Variants in ROR1 observed in about 807,000 individuals in gnomAD.
ROR1 encodes the protein ROR family WNT receptor 1, also known as inactive tyrosine-protein kinase transmembrane receptor ROR1.
Under a neutral mutation model 78.8 loss-of-function variants are expected in ROR1, and 19 were observed. The observed-to-expected ratio is 0.24, with a 90% CI of 0.17 to 0.35. The LOEUF is 0.35. Ranked by LOEUF, ROR1 falls within the 10% of genes least tolerant of loss-of-function variation. The pLI is 1.00. For synonymous variants in ROR1, 386 were observed against 433.6 expected (o/e 0.89, Z 1.36); for missense variants, 917 against 1,177.8 (o/e 0.78, Z 3.24).
rs572964591 is a variant in ROR1, at chr1:64,041,805, T to G, written c.164-7886T>G. On this transcript the variant is annotated intron_variant, in intron 2 of 8. Coordinates refer to ENST00000371079, the MANE Select transcript of ROR1 (RefSeq NM_005012.4). ...CCAGCACCCAGCCCAGCACAGCACTTCTTTTCTTTTCACTTTTAACCATCA... is the reference window on the plus strand; with the variant it reads ...CCAGCACCCAGCCCAGCACAGCACTGCTTTTCTTTTCACTTTTAACCATCA... 7.9e-4 allele frequency among the ~76,000 whole-genome samples: 121 copies of G among 152,310 alleles called. 1 individual carries two copies. The highest frequency in any genetic ancestry group is 2.8e-3 in the African/African-American group (118 of 41,574).
rs754987821 is a variant in ROR1 at position 64,017,612 on chromosome 1, C to T, written c.163+8236C>T. Among the ~76,000 whole-genome samples, 10 of 152,218 alleles carry T rather than the reference C, an allele frequency of 6.6e-5. No homozygotes were observed. In the East Asian group the frequency reaches 1.2e-3, roughly 18 times the overall value. On this transcript the variant is annotated intron_variant, in intron 2 of 8. Coordinates refer to ENST00000371079, the MANE Select transcript of ROR1 (RefSeq NM_005012.4). ...CTCACCATGTAGGGGTCTTTCCAGC[C>T]GGTTATTCCAGCTCTTGGCACCCAA... is the stretch of plus-strand genomic sequence containing the variant.
chr1:63,988,195 C>T (rs1250467482), intron 1 of ROR1, among the ~76,000 whole-genome samples: 1 of 152,132 alleles, frequency 6.6e-6, no homozygotes, highest in Non-Finnish European at 1.5e-5. Flanking sequence ...TAAATCAACT[C>T]CAGGACCCAG....
intron 4 of ROR1, among the ~76,000 whole-genome samples, chr1:64,118,590 G>A (rs144912511): frequency 4.8e-4 from 62 of 129,600 alleles, no homozygotes; most frequent in Middle Eastern, 6.1e-3. Flanking sequence ...CCAAGATTGC[G>A]CCACTGCACT....
chr1:63,802,292 G>A (rs1317050689), intron 1 of ROR1, among the ~76,000 whole-genome samples: 8 of 152,066 alleles, frequency 5.3e-5, no homozygotes, highest in Admixed American at 3.9e-4. Context: ...GAGCATCCAC[G>A]GAGCATCCTT....
chr1:63,966,769 C>T, intron 1 of ROR1, among the ~76,000 whole-genome samples: 1 of 152,296 alleles, frequency 6.6e-6, no homozygotes, highest in African/African-American at 2.4e-5. Context: ...GCTTTCCTTT[C>T]AACTGAGGGA....
At chr1:64,060,191 G>A (rs1646906360) in intron 4 of ROR1, among the ~76,000 whole-genome samples, 2 of 152,094 alleles carry the variant, frequency 1.3e-5, no homozygotes, top group Non-Finnish European at 2.9e-5. Flanking sequence ...CTATCTCATA[G>A]CATTGTTGAA....
At chr1:63,845,197 A>ACC (rs1258274891) in intron 1 of ROR1, among the ~76,000 whole-genome samples, 2 of 152,144 alleles carry the variant, frequency 1.3e-5, no homozygotes, top group African/African-American at 4.8e-5. Context: ...GTTTCTCCAT[A>ACC]TATGTGTTAA....
At chr1:63,827,804 G>C (rs1486800689) in intron 1 of ROR1, among the ~76,000 whole-genome samples, 4 of 152,128 alleles carry the variant, frequency 2.6e-5, no homozygotes, top group African/African-American at 9.7e-5. Flanking sequence ...AATTGCTTGT[G>C]TTCTCCATTT....
chr1:64,049,870 C>G lies in ROR1; in HGVS notation c.343C>G (p.Arg115Gly). 6.2e-7 allele frequency: 1 copy of G among 1,614,204 alleles called. No individual in the cohort carries two copies. Among genetic ancestry groups the G allele is most frequent in the Non-Finnish European group, 8.5e-7 (1 of 1,180,026 alleles). ...LSFRSTIYGS[R>G]LRIRNLDTTD... Reference sequence around the variant, plus strand: ...CTTTCGGTCCACCATCTATGGCTCTCGGCTGCGGATTAGAAACCTCGACAC... The same window carrying G: ...CTTTCGGTCCACCATCTATGGCTCTGGGCTGCGGATTAGAAACCTCGACAC... Residue 115 changes from arginine (R) to glycine (G), a missense_variant, in exon 3 of 9, where the codon CGG (arginine) becomes GGG (glycine). By Grantham distance (125) the Arg-to-Gly change is moderately radical. Around this residue, in one of 3 missense-constraint regions of ROR1, gnomAD observed 835 missense variants for 1,069.8 expected, o/e 0.78. Coordinates refer to ENST00000371079, the MANE Select transcript of ROR1 (RefSeq NM_005012.4).
chr1:63,955,114 G>T (rs1645970591), intron 1 of ROR1, among the ~76,000 whole-genome samples: 1 of 152,178 alleles, frequency 6.6e-6, no homozygotes, highest in South Asian at 2.1e-4. Flanking sequence ...ACAATTAGAG[G>T]CAGTGGACGT....
intron 1 of ROR1, among the ~76,000 whole-genome samples, chr1:63,892,124 C>G (rs1172845406): frequency 6.6e-6 from 1 of 152,090 alleles, no homozygotes. Flanking sequence ...TCTAATGGAC[C>G]ATGAATAGTG....
chr1:63,884,961 GCTCACCTGC>G (rs1244489289), intron 1 of ROR1, among the ~76,000 whole-genome samples: 9 of 152,040 alleles, frequency 5.9e-5, no homozygotes. Context: ...AAGCGCTGCT[GCTCACCTGC>G]TGAGTAACTC....
intron 4 of ROR1, among the ~76,000 whole-genome samples, chr1:64,100,200 G>A (rs1429020440): frequency 6.6e-6 from 1 of 151,974 alleles, no homozygotes; most frequent in Non-Finnish European, 1.5e-5. Flanking sequence ...AAAAAAAGTT[G>A]ACCATGTGTG....
intron 1 of ROR1, chr1:63,843,760 G>C (rs1011464387): frequency 7.3e-6 from 3 of 409,352 alleles, no homozygotes; most frequent in African/African-American, 4.1e-5. Context: ...GCTGGGACCC[G>C]ACTGCACTCT....
At chr1:63,879,520 TG>T (rs146517381) in intron 1 of ROR1, among the ~76,000 whole-genome samples, 6,266 of 152,186 alleles carry the variant, frequency 0.041, 425 homozygotes, top group African/African-American at 0.14. Flanking sequence ...GTGTGTATTC[TG>T]GGGGGCCTTC....
intron 2 of ROR1, among the ~76,000 whole-genome samples, chr1:64,017,107 A>G (rs1025019275): frequency 2.0e-5 from 3 of 151,880 alleles, no homozygotes; most frequent in African/African-American, 4.8e-5. Context: ...GGGTCTCACC[A>G]TGTTTCCCAG....
At chr1:63,802,587 T>G (rs1644803666) in intron 1 of ROR1, among the ~76,000 whole-genome samples, 1 of 152,224 alleles carries the variant, frequency 6.6e-6, no homozygotes, top group Non-Finnish European at 1.5e-5. Flanking sequence ...AGAGTTCAGA[T>G]TTTTCAGTCT....
intron 1 of ROR1, among the ~76,000 whole-genome samples, chr1:63,886,724 C>A (rs967545359): frequency 6.6e-6 from 1 of 152,148 alleles, no homozygotes; most frequent in Non-Finnish European, 1.5e-5. Context: ...ATATTTCTCT[C>A]TTCTTCCATA....
chr1:63,956,962 C>A (rs779212838), intron 1 of ROR1, among the ~76,000 whole-genome samples: 1 of 152,140 alleles, frequency 6.6e-6, no homozygotes, highest in African/African-American at 2.4e-5. Context: ...AGTGCTACCT[C>A]CTTCCTAGTT....
Sources: allele counts gnomAD v4.1 joint callset (sites outside exome capture counted in the v4.1 genomes callset), GRCh38; gene constraint gnomAD v4.1.1; regional missense constraint gnomAD v4.1.1; transcripts MANE v1.5; gene names NCBI Gene and HGNC (gene_info 2026-07-23, HGNC 2026-07-21).